The following MAST4 variants were observed in gnomAD, a reference collection of about 807,000 sequenced individuals.
MAST4 encodes the protein microtubule associated serine/threonine kinase family member 4, also known as microtubule-associated serine/threonine-protein kinase 4.
Under a neutral mutation model 162.7 loss-of-function variants are expected in MAST4, and 89 were observed. The ratio of observed to expected loss-of-function variants is 0.55; its 90% confidence interval spans 0.46 to 0.65. The LOEUF is 0.65. Ranked by LOEUF, MAST4 falls within the 30% of genes least tolerant of loss-of-function variation. The probability of loss-of-function intolerance (pLI) is 0.00; values close to 1 mark genes in which losing one functional copy is unlikely to be tolerated. For synonymous variants in MAST4, 1,479 were observed against 1,361.1 expected, an observed-to-expected ratio of 1.09 and a Z score of -1.91; for missense variants, 3,153 against 3,374.0, an observed-to-expected ratio of 0.93 and a Z score of 1.62.
chr5:66,630,321 CA>C (rs1220963845), intron 1 of MAST4, among the ~76,000 whole-genome samples: 1 of 152,178 alleles, frequency 6.6e-6, no homozygotes, highest in Non-Finnish European at 1.5e-5. Context: ...TTTTGTTCTG[CA>C]GCATTATCAT....
intron 18 of MAST4, among the ~76,000 whole-genome samples, 188 bp from the exon 19 acceptor site, chr5:67,136,375 T>C (rs1489177172): frequency 6.6e-6 from 1 of 152,222 alleles, no homozygotes; most frequent in Non-Finnish European, 1.5e-5. Context: ...TGTAAAATAA[T>C]GCTTCTCAAA....
intron 4 of MAST4, among the ~76,000 whole-genome samples, chr5:67,026,118 A>G (rs1754611854): frequency 6.6e-6 from 1 of 152,214 alleles, no homozygotes; most frequent in Admixed American, 6.5e-5. Context: ...TTTCTTTCCT[A>G]GAGTTTGTAA....
At chr5:66,877,914 T>C (rs1318968495) in intron 3 of MAST4, among the ~76,000 whole-genome samples, 3 of 152,194 alleles carry the variant, frequency 2.0e-5, no homozygotes, top group African/African-American at 7.2e-5. Context: ...TTTCTGAAAT[T>C]GCTAGAGGTA....
chr5:67,022,876 C>CA (rs113416928), intron 4 of MAST4, among the ~76,000 whole-genome samples: 7 of 147,918 alleles, frequency 4.7e-5, no homozygotes, highest in Non-Finnish European at 9.0e-5. Context: ...GCAACAGTAG[C>CA]TTTTTTTTTT....
At chr5:66,959,190 G>A (rs1472183822) in intron 4 of MAST4, 3 of 779,018 alleles carry the variant, frequency 3.9e-6, no homozygotes, top group Non-Finnish European at 7.2e-6. Context: ...TCATCACCGG[G>A]ACGCTGGCAG....
intron 14 of MAST4, among the ~76,000 whole-genome samples, chr5:67,126,550 T>C (rs1426119431): frequency 6.6e-6 from 1 of 152,182 alleles, no homozygotes; most frequent in Non-Finnish European, 1.5e-5. Context: ...GATCAGATGG[T>C]TGTAGATATA....
At chr5:67,084,006 T>C (rs1215249338) in intron 5 of MAST4, among the ~76,000 whole-genome samples, 1 of 152,154 alleles carries the variant, frequency 6.6e-6, no homozygotes, top group Non-Finnish European at 1.5e-5. Context: ...TAAAACATTC[T>C]CAAGAACCCA....
intron 1 of MAST4, among the ~76,000 whole-genome samples, chr5:66,742,198 G>A (rs1420434387): frequency 2.0e-5 from 3 of 152,158 alleles, no homozygotes; most frequent in Non-Finnish European, 4.4e-5. Flanking sequence ...ACGGAGCTGG[G>A]TCAGATGCTG....
intron 1 of MAST4, among the ~76,000 whole-genome samples, chr5:66,696,438 A>G (rs1269430441): frequency 5.9e-5 from 9 of 151,724 alleles, no homozygotes; most frequent in Non-Finnish European, 1.2e-4. Context: ...TCAACCTCCT[A>G]GTCACACCCA....
chr5:66,696,974 C>T (rs574454205), intron 1 of MAST4, among the ~76,000 whole-genome samples: 69 of 152,184 alleles, frequency 4.5e-4, no homozygotes, highest in African/African-American at 1.5e-3. Flanking sequence ...AAATATTCTG[C>T]GTGATGAAAT....
At chr5:66,864,022 A>G (rs1407242234) in intron 3 of MAST4, among the ~76,000 whole-genome samples, 3 of 152,222 alleles carry the variant, frequency 2.0e-5, no homozygotes, top group Non-Finnish European at 2.9e-5. Flanking sequence ...ATGATGGGTA[A>G]CTATGCATCC....
chr5:67,113,347 A>ACC (rs1221656927), intron 11 of MAST4, among the ~76,000 whole-genome samples: 2 of 149,376 alleles, frequency 1.3e-5, no homozygotes, highest in Admixed American at 1.3e-4. Flanking sequence ...AAGGATGAAG[A>ACC]CCAAAAATAC....
intron 24 of MAST4, among the ~76,000 whole-genome samples, chr5:67,151,320 C>T (rs1007007757): frequency 1.4e-5 from 2 of 146,234 alleles, no homozygotes; most frequent in African/African-American, 5.5e-5. Context: ...GCTTGTTCCT[C>T]ATGGACAGCA....
chr5:66,639,009 T>C (rs1745307509), intron 1 of MAST4, among the ~76,000 whole-genome samples: 1 of 152,146 alleles, frequency 6.6e-6, no homozygotes, highest in Admixed American at 6.5e-5. Flanking sequence ...TAGTGGATGA[T>C]TGGGTACCTG....
chr5:66,603,273 C>A (rs1484907128), intron 1 of MAST4, among the ~76,000 whole-genome samples: 1 of 152,178 alleles, frequency 6.6e-6, no homozygotes, highest in Non-Finnish European at 1.5e-5. Context: ...ATTAACCCTT[C>A]TGTTAAGACA....
intron 4 of MAST4, among the ~76,000 whole-genome samples, chr5:67,039,772 C>T (rs979653468): frequency 6.6e-6 from 1 of 152,104 alleles, no homozygotes; most frequent in Non-Finnish European, 1.5e-5. Flanking sequence ...ACACACAGAT[C>T]CCTCTCCTGT....
intron 1 of MAST4, among the ~76,000 whole-genome samples, chr5:66,712,535 C>T (rs1183276109): frequency 6.6e-6 from 1 of 152,140 alleles, no homozygotes; most frequent in African/African-American, 2.4e-5. Context: ...TGCTAGGAGC[C>T]TCACACTGCT....
chr5:66,931,853 C>T (rs564698339), intron 4 of MAST4, among the ~76,000 whole-genome samples: 2 of 152,242 alleles, frequency 1.3e-5, no homozygotes, highest in South Asian at 2.1e-4. Flanking sequence ...AATACTGACA[C>T]CTGGTGATCC....
At chr5:66,809,868 T>C (rs1216387301) in intron 3 of MAST4, among the ~76,000 whole-genome samples, 5 of 152,180 alleles carry the variant, frequency 3.3e-5, no homozygotes, top group Non-Finnish European at 7.4e-5. Context: ...CCCGAGTAGC[T>C]GGGATTACAG....
Sources: allele counts gnomAD v4.1 joint callset (sites outside exome capture counted in the v4.1 genomes callset), GRCh38; gene constraint gnomAD v4.1.1; transcripts MANE v1.5; gene names NCBI Gene and HGNC (gene_info 2026-07-23, HGNC 2026-07-21).